LGR5: variants seen among roughly 807,000 people sequenced by gnomAD.
LGR5 encodes leucine rich repeat containing G protein-coupled receptor 5.
LGR5 carries 54 observed loss-of-function variants against 76.7 expected under a neutral mutation model. The ratio of observed to expected loss-of-function variants is 0.70; its 90% CI spans 0.57 to 0.88. The LOEUF (loss-of-function observed/expected upper bound fraction) is 0.88. Ranked by LOEUF, LGR5 falls within the 40% of genes least tolerant of loss-of-function variation. The pLI, the probability that LGR5 is intolerant of heterozygous loss-of-function variation, is 0.00. For synonymous variants in LGR5, 406 were observed against 421.9 expected, an observed-to-expected ratio of 0.96 and a Z score of 0.46; for missense variants, 1,078 against 1,073.3, an observed-to-expected ratio of 1.00 and a Z score of -0.06.
At chr12:71,527,749 T>G (rs925870913) in intron 3 of LGR5, among the ~76,000 whole-genome samples, 4 of 152,218 alleles carry the variant, frequency 2.6e-5, no homozygotes, top group African/African-American at 9.6e-5. Context: ...AGTTTCAACA[T>G]GAATTTTTGG....
chr12:71,450,652 T>C (rs1382116636), intron 1 of LGR5, among the ~76,000 whole-genome samples: 1 of 152,166 alleles, frequency 6.6e-6, no homozygotes, highest in African/African-American at 2.4e-5. Flanking sequence ...AATTAAAATT[T>C]CATTTATGAC....
At chr12:71,456,408 G>A (rs1872477763) in intron 1 of LGR5, among the ~76,000 whole-genome samples, 1 of 152,144 alleles carries the variant, frequency 6.6e-6, no homozygotes, top group African/African-American at 2.4e-5. Flanking sequence ...TGTGTTCTTT[G>A]ATTCCTAATT....
At chr12:71,557,681 G>T (rs998257559) in intron 6 of LGR5, among the ~76,000 whole-genome samples, 2 of 152,188 alleles carry the variant, frequency 1.3e-5, no homozygotes, top group African/African-American at 4.8e-5. Context: ...GCTTTTCCCA[G>T]GGGAGGAGCT....
intron 5 of LGR5, among the ~76,000 whole-genome samples, chr12:71,553,693 C>T (rs1753926506): frequency 6.6e-6 from 1 of 152,090 alleles, no homozygotes; most frequent in Non-Finnish European, 1.5e-5. Flanking sequence ...TGAACCCTTA[C>T]CAAGGAAAGA....
intron 4 of LGR5, among the ~76,000 whole-genome samples, chr12:71,551,682 T>C (rs1338557270): frequency 2.0e-5 from 3 of 152,206 alleles, no homozygotes; most frequent in Non-Finnish European, 2.9e-5. Flanking sequence ...CTTTAAATTA[T>C]AGCCACTGTT....
At chr12:71,473,634 AATAAAT>A (rs1189389914) in intron 1 of LGR5, among the ~76,000 whole-genome samples, 1 of 149,086 alleles carries the variant, frequency 6.7e-6, no homozygotes, top group Non-Finnish European at 1.5e-5. Flanking sequence ...TAAATAAATA[AATAAAT>A]ATAAATATAA....
chr12:71,459,576 G>A (rs1221685827), intron 1 of LGR5, among the ~76,000 whole-genome samples: 3 of 152,022 alleles, frequency 2.0e-5, no homozygotes, highest in Non-Finnish European at 1.5e-5. Flanking sequence ...ACTGATATTT[G>A]TTCCTCACCT....
At chr12:71,578,998 TG>T in intron 15 of LGR5, 69 bp downstream of exon 15, 1 of 1,391,434 alleles carries the variant, frequency 7.2e-7, no homozygotes, top group Non-Finnish European at 9.7e-7. Context: ...ATTATAGTGG[TG>T]TTCTAAATTT....
chr12:71,576,839 G>A (rs1294007288), intron 13 of LGR5, among the ~76,000 whole-genome samples: 4 of 152,118 alleles, frequency 2.6e-5, no homozygotes, highest in Non-Finnish European at 4.4e-5. Context: ...GCTCACCTCA[G>A]TGACACGTAT....
chr12:71,528,692 A>G (rs1876145083), intron 3 of LGR5, among the ~76,000 whole-genome samples: 1 of 152,200 alleles, frequency 6.6e-6, no homozygotes, highest in African/African-American at 2.4e-5. Context: ...GCACAATCAT[A>G]TGAAATTTAT....
In LGR5 at chr12:71,439,919, C is replaced by A. The variant is rs1871671758; in HGVS notation, c.-162C>A. 1.3e-5 allele frequency: 8 copies of A among 618,508 alleles called. No homozygotes were observed. Among genetic ancestry groups the A allele is most frequent in the Non-Finnish European group, 5.3e-6 (2 of 374,434 alleles). 38.3% of individuals were successfully genotyped at this position (618,508 alleles called of 1,614,324 possible). On this transcript the variant is annotated 5_prime_UTR_variant, in exon 1 of 18. Transcript: ENST00000266674. ...GCACCTCTGTCCCCGCCGCGCTTCT[C>A]CTCGCCGCCCACGCCGTGGGGTCAG... is the stretch of plus-strand genomic sequence containing the variant.
intron 13 of LGR5, 75 bp downstream of exon 13, chr12:71,572,996 C>A (rs2137458482): frequency 1.8e-6 from 2 of 1,093,248 alleles, no homozygotes; most frequent in Middle Eastern, 4.0e-4. Context: ...CTAATGTTTT[C>A]TTTTCATTGT....
At chr12:71,503,963 G>A (rs990984109) in intron 1 of LGR5, among the ~76,000 whole-genome samples, 1 of 152,182 alleles carries the variant, frequency 6.6e-6, no homozygotes, top group Non-Finnish European at 1.5e-5. Context: ...TGCTTAAAGT[G>A]GCTTGTTGTT....
chr12:71,484,838 A>G (rs140493896), intron 1 of LGR5, among the ~76,000 whole-genome samples: 165 of 152,300 alleles, frequency 1.1e-3, no homozygotes, highest in African/African-American at 3.8e-3. Flanking sequence ...AACTATTTCT[A>G]TCTATGGAGA....
Position 71,584,647 on chromosome 12 carries a change from C to A in LGR5, c.2637C>A (p.Asp879Glu). 1 of 1,614,190 alleles carries A rather than the reference C, an allele frequency of 6.2e-7. No homozygotes were observed. Among genetic ancestry groups the A allele is most frequent in the Non-Finnish European group, 8.5e-7 (1 of 1,180,022 alleles). ...TTACCAGCTCCAGCATCACTTATGA[C>A]CTGCCTCCCAGTTCCGTGCCATCAC... Reference protein sequence around the residue: ...VTFTSSSITYDLPPSSVPSPA... With the variant: ...VTFTSSSITYELPPSSVPSPA... Residue 879 changes from aspartate (D) to glutamate (E), a missense_variant, in exon 18 of 18, where the codon GAC (aspartate) becomes GAA (glutamate). By Grantham distance (45) the Asp-to-Glu change is conservative (BLOSUM62 2). Coordinates refer to ENST00000266674, the MANE Select transcript of LGR5 (RefSeq NM_003667.4).
At chr12:71,530,993 T>TG (rs1876275746) in intron 3 of LGR5, among the ~76,000 whole-genome samples, 3 of 61,792 alleles carry the variant, frequency 4.9e-5, no homozygotes, top group African/African-American at 1.8e-4. Context: ...TTAGTCCTGT[T>TG]GGGAAAAAAA....
intron 3 of LGR5, among the ~76,000 whole-genome samples, chr12:71,529,480 C>T (rs12817562): frequency 0.051 from 7,833 of 152,174 alleles, 257 homozygotes; most frequent in Non-Finnish European, 0.074. Context: ...GTCCCTCCCC[C>T]GACCTGTGAG....
intron 8 of LGR5, among the ~76,000 whole-genome samples, chr12:71,565,651 C>G (rs1018699593): frequency 2.7e-5 from 4 of 150,378 alleles, no homozygotes; most frequent in African/African-American, 9.8e-5. Flanking sequence ...AGTAGTTACC[C>G]AATGACAGCT....
chr12:71,479,778 G>A (rs1405856810), intron 1 of LGR5, among the ~76,000 whole-genome samples: 1 of 152,094 alleles, frequency 6.6e-6, no homozygotes, highest in African/African-American at 2.4e-5. Flanking sequence ...AGGGCTTGGG[G>A]TGTAGGAGGA....
Sources: allele counts gnomAD v4.1 joint callset (sites outside exome capture counted in the v4.1 genomes callset), GRCh38; gene constraint gnomAD v4.1.1; transcripts MANE v1.5; gene names NCBI Gene and HGNC (gene_info 2026-07-23, HGNC 2026-07-21).